Variants in ANK2 observed in about 807,000 individuals in gnomAD.
ANK2 encodes ankyrin-2.
Under a neutral mutation model 360.5 loss-of-function variants are expected in ANK2, and 83 were observed. The ratio of observed to expected loss-of-function variants is 0.23; its 90% CI spans 0.19 to 0.28. The LOEUF (loss-of-function observed/expected upper bound fraction) is 0.28. Among genes scored for constraint, ANK2 ranks in the 10% least tolerant of loss-of-function variants. The probability of loss-of-function intolerance (pLI) is 1.00; values close to 1 mark genes in which losing one functional copy is unlikely to be tolerated. For synonymous variants in ANK2, 1,740 were observed against 1,759.5 expected, an observed-to-expected ratio of 0.99 and a Z score of 0.28; for missense variants, 4,201 against 4,795.7, an observed-to-expected ratio of 0.88 and a Z score of 3.66.
chr4:112,753,160 A>C, the ANK2 span, among the ~76,000 whole-genome samples: 1 of 152,190 alleles, frequency 6.6e-6, no homozygotes, highest in African/African-American at 2.4e-5. Flanking sequence ...AAGCCTCACC[A>C]AGGTGCTTCT....
At chr4:112,712,728 T>A in the ANK2 span, among the ~76,000 whole-genome samples, 2 of 152,292 alleles carry the variant, frequency 1.3e-5, no homozygotes, top group Admixed American at 6.5e-5. Flanking sequence ...TTTTTAATTT[T>A]TATTTTATAA....
chr4:113,071,228 C>A (rs891874460), intron 1 of ANK2, among the ~76,000 whole-genome samples: 2 of 152,170 alleles, frequency 1.3e-5, no homozygotes, highest in African/African-American at 4.8e-5. Context: ...GACCCGATGC[C>A]TTTTCAGCCA....
intron 1 of ANK2, among the ~76,000 whole-genome samples, chr4:113,076,273 A>G (rs2079919677): frequency 6.6e-6 from 1 of 152,346 alleles, no homozygotes; most frequent in East Asian, 1.9e-4. Context: ...CTGCATTCAA[A>G]TCCATCCTTG....
intron 1 of ANK2, among the ~76,000 whole-genome samples, chr4:113,068,856 T>A (rs909717651): frequency 2.7e-5 from 4 of 150,534 alleles, no homozygotes; most frequent in Non-Finnish European, 4.4e-5. Context: ...AGCCCAGGAG[T>A]TTGAGACAAG....
chr4:112,810,182 T>TTTTTTTTG, the ANK2 span, among the ~76,000 whole-genome samples: 1 of 111,788 alleles, frequency 8.9e-6, no homozygotes, highest in African/African-American at 3.3e-5. Flanking sequence ...TTTTTTTTTT[T>TTTTTTTTG]GTAGCAATGG....
At chr4:112,835,690 G>A (rs1218992049) in intron 1 of ANK2, among the ~76,000 whole-genome samples, 1 of 151,970 alleles carries the variant, frequency 6.6e-6, no homozygotes, top group Admixed American at 6.6e-5. Context: ...ATTTCTGGAT[G>A]GTTTTAAGGA....
the ANK2 span, among the ~76,000 whole-genome samples, chr4:112,769,106 G>C: frequency 6.6e-6 from 1 of 152,146 alleles, no homozygotes; most frequent in Admixed American, 6.5e-5. Context: ...CTATAGACTG[G>C]GTTAAGTTGA....
intron 2 of ANK2, among the ~76,000 whole-genome samples, chr4:113,024,195 A>T (rs2058756690): frequency 6.6e-6 from 1 of 152,142 alleles, no homozygotes; most frequent in Non-Finnish European, 1.5e-5. Context: ...AACAGCATGA[A>T]ATTATATATT....
At chr4:113,238,099 T>A (rs753905529) in intron 7 of ANK2, among the ~76,000 whole-genome samples, 76 of 152,168 alleles carry the variant, frequency 5.0e-4, no homozygotes, top group Non-Finnish European at 1.1e-3. Context: ...TTATTGAGCA[T>A]ATCAAGAGCA....
chr4:112,828,720 T>C (rs779525097), intron 1 of ANK2, among the ~76,000 whole-genome samples: 9 of 152,172 alleles, frequency 5.9e-5, no homozygotes, highest in Non-Finnish European at 1.0e-4. Context: ...CCAAGGAAAC[T>C]ATTAACAGAG....
At chr4:113,237,871 C>A (rs1246323435) in intron 7 of ANK2, among the ~76,000 whole-genome samples, 1 of 152,098 alleles carries the variant, frequency 6.6e-6, no homozygotes, top group Non-Finnish European at 1.5e-5. Flanking sequence ...GAAACTCTTT[C>A]TTAACATATA....
the ANK2 span, among the ~76,000 whole-genome samples, chr4:112,794,460 C>T: frequency 2.0e-5 from 3 of 152,078 alleles, no homozygotes; most frequent in East Asian, 1.9e-4. Context: ...GCTAATAAAG[C>T]GAAATAATCC....
chr4:113,307,856 TAGTAGA>T (rs2078024159), intron 23 of ANK2, among the ~76,000 whole-genome samples: 1 of 152,126 alleles, frequency 6.6e-6, no homozygotes, highest in East Asian at 1.9e-4. Flanking sequence ...GCTTTCCAGT[TAGTAGA>T]AAACAGTTTT....
At chr4:112,714,434 T>C in the ANK2 span, among the ~76,000 whole-genome samples, 1 of 152,186 alleles carries the variant, frequency 6.6e-6, no homozygotes, top group Non-Finnish European at 1.5e-5. Flanking sequence ...CTACCCACCT[T>C]GGTCTCCCAA....
At chr4:113,262,088 T>C (rs2053241528) in intron 13 of ANK2, among the ~76,000 whole-genome samples, 1 of 152,164 alleles carries the variant, frequency 6.6e-6, no homozygotes, top group Non-Finnish European at 1.5e-5. Flanking sequence ...TGAAAATTTG[T>C]CATTACATAG....
At chr4:112,762,718 C>T in the ANK2 span, among the ~76,000 whole-genome samples, 10 of 152,176 alleles carry the variant, frequency 6.6e-5, no homozygotes, top group African/African-American at 2.4e-4. Context: ...CCACGTTGGC[C>T]AGGCTGGTCT....
intron 2 of ANK2, among the ~76,000 whole-genome samples, chr4:112,958,106 C>G (rs1161007464): frequency 1.5e-4 from 23 of 150,620 alleles, no homozygotes; most frequent in African/African-American, 4.9e-5. Flanking sequence ...TCCTCACTTT[C>G]CAGACTGGGC....
intron 1 of ANK2, among the ~76,000 whole-genome samples, chr4:113,132,615 C>T (rs2096121662): frequency 6.6e-6 from 1 of 152,104 alleles, no homozygotes; most frequent in South Asian, 2.1e-4. Context: ...CTGACAGGAA[C>T]ATTTGGGATC....
At chr4:112,806,530 C>A in the ANK2 span, among the ~76,000 whole-genome samples, 1 of 152,030 alleles carries the variant, frequency 6.6e-6, no homozygotes, top group African/African-American at 2.4e-5. Flanking sequence ...GCAGATATCT[C>A]TACAATATAC....
Sources: gnomAD v4.1 joint callset for allele counts (sites outside exome capture counted in the v4.1 genomes callset) on GRCh38, gnomAD v4.1.1 for gene constraint, MANE v1.5 for transcripts, NCBI Gene and HGNC (gene_info 2026-07-23, HGNC 2026-07-21) for gene names.